Variants in CGNL1 observed in about 807,000 individuals in gnomAD.
The protein encoded by CGNL1 is cingulin like 1, also known as cingulin-like protein 1.
CGNL1 carries 132 observed loss-of-function variants against 141.2 expected under a neutral mutation model. That is an observed-to-expected ratio of 0.93 (90% CI 0.81 to 1.08). The LOEUF is 1.08. Among genes scored for constraint, CGNL1 ranks in the 50% least tolerant of loss-of-function variants. The pLI is 0.00. For synonymous variants in CGNL1, 690 were observed against 622.1 expected, an observed-to-expected ratio of 1.11 and a Z score of -1.63; for missense variants, 1,870 against 1,588.6, an observed-to-expected ratio of 1.18 and a Z score of -3.01.
chr15:57,416,814 T>G (rs569339711), intron 1 of CGNL1, among the ~76,000 whole-genome samples: 2 of 152,322 alleles, frequency 1.3e-5, no homozygotes, highest in African/African-American at 4.8e-5. Flanking sequence ...GTTAGTTGAT[T>G]GTTTGGAGTT....
At chr15:57,434,316 TA>T (rs2063079433) in intron 1 of CGNL1, among the ~76,000 whole-genome samples, 1 of 151,702 alleles carries the variant, frequency 6.6e-6, no homozygotes, top group Middle Eastern at 3.4e-3. Flanking sequence ...AAAAGTAGAG[TA>T]AAAAAGATGG....
intron 8 of CGNL1, among the ~76,000 whole-genome samples, chr15:57,502,781 T>C (rs1225947921): frequency 3.9e-5 from 6 of 152,348 alleles, no homozygotes; most frequent in African/African-American, 1.4e-4. Context: ...ATTCAGTGAC[T>C]GTAGATAATC....
chr15:57,466,141 A>C (rs2063509002), intron 8 of CGNL1, among the ~76,000 whole-genome samples: 1 of 152,242 alleles, frequency 6.6e-6, no homozygotes, highest in Non-Finnish European at 1.5e-5. Context: ...GTCTGTTAGG[A>C]GAGTATATCT....
At chr15:57,456,361 T>A (rs2063378756) in intron 7 of CGNL1, among the ~76,000 whole-genome samples, 1 of 152,188 alleles carries the variant, frequency 6.6e-6, no homozygotes, top group Non-Finnish European at 1.5e-5. Flanking sequence ...TATCTTTTAA[T>A]ATGTCACTTT....
intron 4 of CGNL1, among the ~76,000 whole-genome samples, chr15:57,447,230 C>G (rs73419936): frequency 0.013 from 1,962 of 152,292 alleles, 34 homozygotes; most frequent in African/African-American, 0.036. Context: ...GCACATCTTT[C>G]ATTTAGATGT....
intron 1 of CGNL1, chr15:57,405,009 A>G (rs1237504735): frequency 6.6e-6 from 1 of 151,984 alleles, no homozygotes; most frequent in African/African-American, 2.4e-5. Flanking sequence ...TGCCCACCAT[A>G]CTGTCTTTTT....
At chr15:57,390,635 G>C (rs142880631) in intron 1 of CGNL1, among the ~76,000 whole-genome samples, 1 of 152,110 alleles carries the variant, frequency 6.6e-6, no homozygotes, top group Non-Finnish European at 1.5e-5. Flanking sequence ...GGGAGCTTGC[G>C]AGACCTAGGC....
chr15:57,495,919 C>CA lies in CGNL1; in HGVS notation c.2404-20852dup, dbSNP rs35366135. Among the ~76,000 whole-genome samples, 208 of 151,570 alleles carry CA rather than the reference C, an allele frequency of 1.4e-3. 1 individual carries two copies. The highest frequency in any genetic ancestry group is 4.6e-3 in the African/African-American group (191 of 41,286). On this transcript the variant is annotated intron_variant, in intron 8 of 18. Coordinates refer to ENST00000281282, the MANE Select transcript of CGNL1 (RefSeq NM_032866.5). Reference sequence around the variant, plus strand: ...GGAAGCACATAAAGCAACTAATTGACAAAAAAAAATGAAAGCATATTTCCA... The same window carrying CA: ...GGAAGCACATAAAGCAACTAATTGACAAAAAAAAAATGAAAGCATATTTCCA...
At chr15:57,479,329 G>A (rs996129681) in intron 8 of CGNL1, among the ~76,000 whole-genome samples, 36 of 152,170 alleles carry the variant, frequency 2.4e-4, no homozygotes, top group African/African-American at 8.4e-4. Context: ...AGAGGCCTGG[G>A]GACTGACTAG....
intron 8 of CGNL1, among the ~76,000 whole-genome samples, chr15:57,481,629 T>C (rs2063727398): frequency 6.6e-6 from 1 of 152,224 alleles, no homozygotes; most frequent in Admixed American, 6.5e-5. Context: ...TGTACTATTA[T>C]AATAAAGCTT....
At position 57,541,513 on chromosome 15, in the gene CGNL1, C is replaced by T. The variant is rs1157841527; in HGVS notation, c.3292-2183C>T. ...TTTGCAGTGTGTGATTCGTGAGGGC[C>T]CTGGGGCCCAGCAGAGTGGGAGCGG... is the stretch of plus-strand genomic sequence containing the variant. On this transcript the variant is annotated intron_variant, in intron 14 of 18. Transcript: ENST00000281282. 4.6e-5 allele frequency among the ~76,000 whole-genome samples: 7 copies of T among 152,206 alleles called. No individual in the cohort carries two copies. In the South Asian group the frequency reaches 8.3e-4, roughly 18 times the overall value.
At chr15:57,542,968 G>A (rs185442382) in intron 14 of CGNL1, among the ~76,000 whole-genome samples, 91 of 152,342 alleles carry the variant, frequency 6.0e-4, no homozygotes, top group African/African-American at 2.1e-3. Flanking sequence ...GATCCTACCT[G>A]TGGAGTCTAA....
intron 4 of CGNL1, among the ~76,000 whole-genome samples, chr15:57,445,971 A>G (rs2063246066): frequency 6.6e-6 from 1 of 152,240 alleles, no homozygotes; most frequent in South Asian, 2.1e-4. Flanking sequence ...TGGAAATGTA[A>G]CATCTAAAAG....
At chr15:57,526,395 C>T (rs1340416546) in intron 12 of CGNL1, among the ~76,000 whole-genome samples, 4 of 151,906 alleles carry the variant, frequency 2.6e-5, no homozygotes, top group Non-Finnish European at 4.4e-5. Context: ...GCCAAGGTCT[C>T]TCTGGATCCT....
At chr15:57,508,810 G>T (rs1353645818) in intron 8 of CGNL1, among the ~76,000 whole-genome samples, 1 of 152,238 alleles carries the variant, frequency 6.6e-6, no homozygotes, top group Non-Finnish European at 1.5e-5. Flanking sequence ...GAGCTTGTTA[G>T]AAATGCAGAG....
chr15:57,381,533 C>T (rs1488042075), intron 1 of CGNL1, among the ~76,000 whole-genome samples: 1 of 152,118 alleles, frequency 6.6e-6, no homozygotes, highest in African/African-American at 2.4e-5. Flanking sequence ...TGCACTCCAG[C>T]CTGAGTCACA....
At chr15:57,513,539 A>G (rs2030521649) in intron 8 of CGNL1, among the ~76,000 whole-genome samples, 1 of 151,628 alleles carries the variant, frequency 6.6e-6, no homozygotes. Context: ...CTTTTTTTTG[A>G]GATGGAGTCT....
At chr15:57,516,741 C>T (rs765570563) in intron 8 of CGNL1, 39 bp from the exon 9 acceptor site, 3 of 1,593,778 alleles carry the variant, frequency 1.9e-6, no homozygotes, top group Non-Finnish European at 2.6e-6. Flanking sequence ...AGCTCCTTGA[C>T]ATCAGTCTCC....
intron 10 of CGNL1, among the ~76,000 whole-genome samples, chr15:57,519,190 G>A (rs72739798): frequency 0.089 from 13,576 of 152,266 alleles, 736 homozygotes; most frequent in Non-Finnish European, 0.11. Context: ...GGTGATGCAG[G>A]TGTGTCCTTC....
Sources: gnomAD v4.1 joint callset for allele counts (sites outside exome capture counted in the v4.1 genomes callset) on GRCh38, gnomAD v4.1.1 for gene constraint, MANE v1.5 for transcripts, NCBI Gene and HGNC (gene_info 2026-07-23, HGNC 2026-07-21) for gene names.